The following DMD variants were observed in gnomAD, a reference collection of about 807,000 sequenced individuals.
The protein encoded by DMD is mutant dystrophin.
Under a neutral mutation model 330.1 loss-of-function variants are expected in DMD, and 63 were observed. That is an observed-to-expected ratio of 0.19 (90% CI 0.16 to 0.24). DMD has a LOEUF of 0.24. Among genes scored for constraint, DMD ranks in the 10% least tolerant of loss-of-function variants. DMD has a pLI of 1.00. For missense variants in DMD, 3,344 were observed against 2,684.1 expected (o/e 1.25, Z -5.43); for synonymous variants, 1,223 against 959.8 (o/e 1.27, Z -5.07).
rs2075798338 is a variant in DMD, at chrX:31,571,254, G to GTGTGT, written c.8217+56418_8217+56419insACACA. On this transcript the variant is annotated intron_variant, in intron 55 of 78. Coordinates refer to ENST00000357033, the MANE Select transcript of DMD (RefSeq NM_004006.3). ...AGTTACATGATAAAAGATTTAAAGG[G>GTGTGT]GTGTGTGTGTGTGTGTGTGTGTGTG... Among the ~76,000 whole-genome samples, 370 of 90,450 alleles carry GTGTGT rather than the reference G, an allele frequency of 4.1e-3. 4 individuals carry two copies. Among genetic ancestry groups the GTGTGT allele is most frequent in the African/African-American group, 0.015 (350 of 23,880 alleles). 78.5% of individuals were successfully genotyped at this position (90,450 alleles called of 115,157 possible). A position where few individuals can be genotyped will look rare whatever the true frequency, so the allele number is the denominator to read the frequency against.
chrX:32,885,836 A>AAC (rs1569539062), intron 2 of DMD, among the ~76,000 whole-genome samples: 6 of 108,122 alleles, frequency 5.5e-5, no homozygotes, highest in Non-Finnish European at 9.6e-5. Flanking sequence ...GGAAAAAAAA[A>AAC]AAAAAAAAAA....
At chrX:32,702,913 AC>A (rs1236701634) in intron 7 of DMD, among the ~76,000 whole-genome samples, 1 of 111,639 alleles carries the variant, frequency 9.0e-6, no homozygotes, top group African/African-American at 3.3e-5. Flanking sequence ...GAGGAAGAGG[AC>A]GAAAGAGGAC....
chrX:33,030,865 G>T (rs1216039264), intron 1 of DMD, among the ~76,000 whole-genome samples: 1 of 111,623 alleles, frequency 9.0e-6, no homozygotes. Context: ...CAAAAGGAAA[G>T]CAAACAGCCA....
intron 42 of DMD, among the ~76,000 whole-genome samples, chrX:32,308,106 T>C (rs2097547407): frequency 9.0e-6 from 1 of 110,592 alleles, no homozygotes; most frequent in African/African-American, 3.3e-5. Flanking sequence ...TATATATGTT[T>C]GTGTTTATCT....
At position 31,151,225 on chromosome X, in the gene DMD, A is replaced by G. The variant is rs6631251; in HGVS notation, c.10554-3707T>C. 9.4e-3 allele frequency among the ~76,000 whole-genome samples: 1,055 copies of G among 112,521 alleles called. 8 individuals carry two copies. The highest frequency in any genetic ancestry group is 0.031 in the African/African-American group (972 of 31,023). ...TTCTGTGAACTTGAAGCAGTATCCA[A>G]TGTTCACAAGGTCTCATTCCATAGG... On this transcript the variant is annotated intron_variant, in intron 74 of 78. Coordinates refer to ENST00000357033, the MANE Select transcript of DMD (RefSeq NM_004006.3).
chrX:31,315,873 A>G (rs1362656983), intron 62 of DMD, among the ~76,000 whole-genome samples: 1 of 112,178 alleles, frequency 8.9e-6, no homozygotes, highest in Non-Finnish European at 1.9e-5. Flanking sequence ...TCCTGTCCAC[A>G]ATGCTCAGTG....
chrX:32,299,801 C>T lies in DMD; in HGVS notation c.6117+10281G>A, dbSNP rs1228646084. ...TCTAAGTGTTTAGAATGTGTCCTGGCACAAAAATAATAACTGTCAGCTATT... is the reference window on the plus strand; with the variant it reads ...TCTAAGTGTTTAGAATGTGTCCTGGTACAAAAATAATAACTGTCAGCTATT... On this transcript the variant is annotated intron_variant, in intron 42 of 78. Transcript: ENST00000357033. Among the ~76,000 whole-genome samples the T allele has an allele frequency of 2.0e-4, 22 of 110,884 alleles. 1 individual carries two copies. Among genetic ancestry groups the T allele is most frequent in the Non-Finnish European group, 3.2e-4 (17 of 52,794 alleles).
chrX:31,550,615 T>A (rs2074418928), intron 55 of DMD, among the ~76,000 whole-genome samples: 1 of 112,768 alleles, frequency 8.9e-6, no homozygotes, highest in East Asian at 2.8e-4. Context: ...ATTTTAACTG[T>A]TCTTGATTTA....
At chrX:32,642,991 G>A (rs1819112750) in intron 11 of DMD, among the ~76,000 whole-genome samples, 1 of 111,475 alleles carries the variant, frequency 9.0e-6, no homozygotes, top group Non-Finnish European at 1.9e-5. Flanking sequence ...ACAGAAGGCA[G>A]CTTATATCTT....
intron 9 of DMD, among the ~76,000 whole-genome samples, chrX:32,660,365 G>A (rs747072654): frequency 9.0e-6 from 1 of 111,160 alleles, no homozygotes; most frequent in East Asian, 2.8e-4. Context: ...CTGAGGAAAT[G>A]GAAGCATGAG....
chrX:32,789,278 T>TAC (rs1379621620), intron 7 of DMD, among the ~76,000 whole-genome samples: 1 of 112,426 alleles, frequency 8.9e-6, no homozygotes, highest in Non-Finnish European at 1.9e-5. Flanking sequence ...CAATAAGCAG[T>TAC]ACTCCAGTAA....
chrX:32,393,261 G>A (rs1198682244), intron 30 of DMD, among the ~76,000 whole-genome samples: 8 of 110,891 alleles, frequency 7.2e-5, no homozygotes, highest in Non-Finnish European at 7.5e-5. Flanking sequence ...GGATACGCAA[G>A]GATATAGGAG....
At chrX:32,613,955 CAG>C (rs1459237835) in intron 12 of DMD, among the ~76,000 whole-genome samples, 2 of 110,320 alleles carry the variant, frequency 1.8e-5, no homozygotes, top group Admixed American at 9.7e-5. Context: ...GGCCTTTTCA[CAG>C]AGTTTTCACA....
intron 44 of DMD, among the ~76,000 whole-genome samples, chrX:32,188,486 G>A (rs1740235122): frequency 9.8e-6 from 1 of 102,363 alleles, no homozygotes; most frequent in African/African-American, 3.6e-5. Flanking sequence ...TAAACTTATA[G>A]GTACATGAAT....
At chrX:31,855,728 T>TA (rs1354795498) in intron 48 of DMD, among the ~76,000 whole-genome samples, 153 of 102,801 alleles carry the variant, frequency 1.5e-3, no homozygotes, top group Non-Finnish European at 2.5e-3. Context: ...TCGTATTTTT[T>TA]TAAAAAAAAA....
chrX:31,646,989 T>A (rs1044775089), intron 54 of DMD, among the ~76,000 whole-genome samples: 1 of 112,166 alleles, frequency 8.9e-6, no homozygotes, highest in African/African-American at 3.2e-5. Flanking sequence ...TTAGATGGGT[T>A]TTTTGTTTCA....
chrX:32,200,445 C>CACATGTA (rs1278944992), intron 44 of DMD, among the ~76,000 whole-genome samples: 1 of 110,996 alleles, frequency 9.0e-6, no homozygotes, highest in Non-Finnish European at 1.9e-5. Flanking sequence ...AATGCAAGCA[C>CACATGTA]ACATGTAACA....
intron 60 of DMD, among the ~76,000 whole-genome samples, chrX:31,369,290 T>G (rs1428539514): frequency 8.9e-6 from 1 of 112,094 alleles, no homozygotes; most frequent in African/African-American, 3.2e-5. Context: ...CCTAATCAGA[T>G]CTGCATTTTA....
At chrX:32,641,717 A>T (rs775193181) in intron 11 of DMD, among the ~76,000 whole-genome samples, 22 of 110,876 alleles carry the variant, frequency 2.0e-4, no homozygotes, top group African/African-American at 7.2e-4. Context: ...GACTAGACAA[A>T]TGTTAATTAT....
Sources: gnomAD v4.1 joint callset for allele counts (sites outside exome capture counted in the v4.1 genomes callset) on GRCh38, gnomAD v4.1.1 for gene constraint, MANE v1.5 for transcripts, NCBI Gene and HGNC (gene_info 2026-07-23, HGNC 2026-07-21) for gene names.